The following MAD1L1 variants were observed in gnomAD, a reference collection of about 807,000 sequenced individuals.
MAD1L1 encodes the protein mitotic arrest deficient 1 like 1, also known as mitotic spindle assembly checkpoint protein MAD1.
Under a neutral mutation model 96.9 loss-of-function variants are expected in MAD1L1, and 95 were observed. That is an observed-to-expected ratio of 0.98 (90% CI 0.83 to 1.16). MAD1L1 has a LOEUF of 1.16. Among genes scored for constraint, MAD1L1 ranks in the 50% most tolerant of loss-of-function variants. MAD1L1 has a pLI of 0.00. For synonymous variants in MAD1L1, 473 were observed against 396.6 expected, an observed-to-expected ratio of 1.19 and a Z score of -2.29; for missense variants, 1,007 against 954.4, an observed-to-expected ratio of 1.06 and a Z score of -0.73.
chr7:2,213,312 G>A (rs1273577174), intron 9 of MAD1L1, 39 bp from the exon 10 acceptor site: 15 of 1,574,030 alleles, frequency 9.5e-6, no homozygotes, highest in Non-Finnish European at 1.3e-5. Flanking sequence ...GTCATCACCT[G>A]CCACAGGATC....
chr7:1,885,006 C>T (rs943084954), intron 18 of MAD1L1, among the ~76,000 whole-genome samples: 18 of 152,214 alleles, frequency 1.2e-4, no homozygotes, highest in African/African-American at 4.1e-4. Context: ...CATGAAGTTA[C>T]CCGTGTTGGT....
At chr7:2,091,470 GA>G (rs1290669234) in intron 11 of MAD1L1, among the ~76,000 whole-genome samples, 1 of 152,204 alleles carries the variant, frequency 6.6e-6, no homozygotes, top group African/African-American at 2.4e-5. Context: ...TTCTCACTTA[GA>G]AAAATACATT....
At chr7:1,915,451 G>A (rs1281493350) in intron 17 of MAD1L1, among the ~76,000 whole-genome samples, 1 of 152,186 alleles carries the variant, frequency 6.6e-6, no homozygotes, top group Non-Finnish European at 1.5e-5. Context: ...GACGGCGCAG[G>A]CAGAGGTGCT....
intron 12 of MAD1L1, among the ~76,000 whole-genome samples, chr7:2,044,313 G>A (rs956718949): frequency 5.9e-5 from 9 of 152,148 alleles, no homozygotes; most frequent in Non-Finnish European, 1.2e-4. Flanking sequence ...GAATGACTTC[G>A]GCTGGGTTCC....
chr7:1,953,241 G>C (rs1053131601), intron 16 of MAD1L1, among the ~76,000 whole-genome samples: 1 of 152,208 alleles, frequency 6.6e-6, no homozygotes, highest in African/African-American at 2.4e-5. Context: ...TGTGCTTCCA[G>C]CTTCTGCTCA....
intron 11 of MAD1L1, among the ~76,000 whole-genome samples, chr7:2,105,864 G>A (rs1455843135): frequency 1.6e-4 from 24 of 152,042 alleles, no homozygotes; most frequent in Admixed American, 1.6e-3. Context: ...AGGGCAGCAG[G>A]AAAGGCCCCC....
rs189627203 is a variant in MAD1L1, at chr7:2,163,037, T to G, written c.987-13799A>C. ...TAGCAATTTTTTAGCAATTTTCCTT[T>G]GGGACTTTCCAAAGCATTCAGCTTT... is the stretch of plus-strand genomic sequence containing the variant. On this transcript the variant is annotated intron_variant, in intron 10 of 18. Coordinates refer to ENST00000265854, the MANE Select transcript of MAD1L1 (RefSeq NM_001013836.2). Among the ~76,000 whole-genome samples, 96 of 152,376 alleles carry G rather than the reference T, an allele frequency of 6.3e-4. 1 individual carries two copies. The highest frequency in any genetic ancestry group is 2.0e-3 in the Admixed American group (30 of 15,308).
chr7:2,097,739 C>T (rs541361654), intron 11 of MAD1L1, among the ~76,000 whole-genome samples: 9 of 152,290 alleles, frequency 5.9e-5, no homozygotes, highest in East Asian at 1.9e-4. Flanking sequence ...AGGGGCTGCC[C>T]GGACCAGCAG....
At chr7:2,113,241 G>A (rs1233080781) in intron 11 of MAD1L1, among the ~76,000 whole-genome samples, 2 of 152,242 alleles carry the variant, frequency 1.3e-5, no homozygotes, top group Non-Finnish European at 2.9e-5. Context: ...AAGCCCCGCA[G>A]CTGAGATGCA....
At chr7:1,875,783 C>A (rs1785356727) in intron 18 of MAD1L1, among the ~76,000 whole-genome samples, 2 of 152,216 alleles carry the variant, frequency 1.3e-5, no homozygotes, top group African/African-American at 4.8e-5. Flanking sequence ...ACAGGCTGAA[C>A]TGTGTCCCCC....
intron 14 of MAD1L1, among the ~76,000 whole-genome samples, chr7:1,988,223 C>T (rs940102214): frequency 6.6e-6 from 1 of 152,168 alleles, no homozygotes; most frequent in East Asian, 1.9e-4. Flanking sequence ...TGGCGGAGGG[C>T]CCATTCATTA....
chr7:2,087,825 C>A (rs1265090528), intron 11 of MAD1L1, among the ~76,000 whole-genome samples: 1 of 152,184 alleles, frequency 6.6e-6, no homozygotes, highest in African/African-American at 2.4e-5. Flanking sequence ...CCTGCCTGTC[C>A]ACAGAGAACA....
At chr7:1,996,197 C>CG (rs1781548622) in intron 14 of MAD1L1, among the ~76,000 whole-genome samples, 1 of 151,210 alleles carries the variant, frequency 6.6e-6, no homozygotes, top group Admixed American at 6.6e-5. Context: ...GGCAGGGTCC[C>CG]CCCGGGTCTA....
intron 10 of MAD1L1, among the ~76,000 whole-genome samples, chr7:2,171,121 T>C (rs1317690057): frequency 6.6e-6 from 1 of 151,980 alleles, no homozygotes; most frequent in Non-Finnish European, 1.5e-5. Flanking sequence ...ATGAATGGGG[T>C]AGAAAAGAGA....
At chr7:2,089,581 C>A (rs1342529284) in intron 11 of MAD1L1, among the ~76,000 whole-genome samples, 1 of 151,962 alleles carries the variant, frequency 6.6e-6, no homozygotes, top group African/African-American at 2.4e-5. Flanking sequence ...CAAGCCCCAA[C>A]ACCTGTCCCT....
At chr7:2,060,446 C>T (rs1366246588) in intron 12 of MAD1L1, among the ~76,000 whole-genome samples, 2 of 152,076 alleles carry the variant, frequency 1.3e-5, no homozygotes, top group Non-Finnish European at 2.9e-5. Flanking sequence ...GAGATAACGC[C>T]GATGCCGAGA....
In MAD1L1 at chr7:1,968,977, G is replaced by A. The variant is rs1583948369; in HGVS notation, c.1506-11258C>T. ...CCGGTGACGAGCACCATGGCAGCGTGAGATGTCAACAGCGAGAGAAACCGG... is the reference window on the plus strand; with the variant it reads ...CCGGTGACGAGCACCATGGCAGCGTAAGATGTCAACAGCGAGAGAAACCGG... On this transcript the variant is annotated intron_variant, in intron 15 of 18. Coordinates refer to ENST00000265854, the MANE Select transcript of MAD1L1 (RefSeq NM_001013836.2). The surrounding 1 kb of genome is among the most constrained non-coding windows in gnomAD (Gnocchi z 5.6). 6.6e-6 allele frequency among the ~76,000 whole-genome samples: 1 copy of A among 152,216 alleles called. No individual in the cohort carries two copies. Among genetic ancestry groups the A allele is most frequent in the Non-Finnish European group, 1.5e-5 (1 of 68,044 alleles).
At chr7:2,016,551 A>C (rs1182203434) in intron 12 of MAD1L1, among the ~76,000 whole-genome samples, 2 of 152,196 alleles carry the variant, frequency 1.3e-5, no homozygotes, top group African/African-American at 2.4e-5. Context: ...AGCACTGATG[A>C]CTGCCTGGCC....
chr7:2,078,983 A>C (rs573032351), intron 11 of MAD1L1, among the ~76,000 whole-genome samples: 20 of 152,084 alleles, frequency 1.3e-4, no homozygotes, highest in African/African-American at 1.2e-4. Context: ...GCCAAGCAAC[A>C]GCACTGCCAC....
Sources: allele counts gnomAD v4.1 joint callset (sites outside exome capture counted in the v4.1 genomes callset), GRCh38; gene constraint gnomAD v4.1.1; non-coding constraint Gnocchi (gnomAD v3.1); transcripts MANE v1.5; gene names NCBI Gene and HGNC (gene_info 2026-07-23, HGNC 2026-07-21).